Variants in TMEM117 observed in about 807,000 individuals in gnomAD.
The protein encoded by TMEM117 is transmembrane protein 117.
Under a neutral mutation model 52.4 loss-of-function variants are expected in TMEM117, and 27 were observed. The observed-to-expected ratio is 0.51, with a 90% CI of 0.38 to 0.71. The LOEUF is 0.71. TMEM117 is among the 30% of genes least tolerant of loss of function. The pLI, the probability that TMEM117 is intolerant of heterozygous loss-of-function variation, is 0.00. For missense variants in TMEM117, 556 were observed against 630.5 expected, an observed-to-expected ratio of 0.88 and a Z score of 1.26; for synonymous variants, 215 against 206.3, an observed-to-expected ratio of 1.04 and a Z score of -0.36.
intron 3 of TMEM117, among the ~76,000 whole-genome samples, chr12:44,120,018 G>A (rs1948207635): frequency 6.6e-6 from 1 of 152,084 alleles, no homozygotes; most frequent in African/African-American, 2.4e-5. Flanking sequence ...AAAATCAGTA[G>A]AATGGGAACT....
At chr12:44,301,854 G>A (rs1950844437) in intron 6 of TMEM117, among the ~76,000 whole-genome samples, 1 of 152,198 alleles carries the variant, frequency 6.6e-6, no homozygotes, top group Non-Finnish European at 1.5e-5. Context: ...AGGAATTGGA[G>A]AAACTCATGG....
intron 6 of TMEM117, among the ~76,000 whole-genome samples, chr12:44,314,405 T>G (rs1951028476): frequency 6.6e-6 from 1 of 152,146 alleles, no homozygotes; most frequent in Admixed American, 6.5e-5. Flanking sequence ...ATTTATTTAG[T>G]TTTGTGTGTT....
Position 43,838,972 on chromosome 12 carries a change from TCATCTCAGGAAATGCATTTTC to T in TMEM117, c.-29+2798_-29+2818del, listed in dbSNP as rs1477033228. On this transcript the variant is annotated intron_variant, in intron 1 of 7. Coordinates refer to ENST00000266534, the MANE Select transcript of TMEM117 (RefSeq NM_032256.3). ...CTGTCTATATCTACTGCATCCCTCTTCATCTCAGGAAATGCATTTTCCATCTCAGGAAATGCATTTTCTATC... is the reference window on the plus strand; with the variant it reads ...CTGTCTATATCTACTGCATCCCTCTTCATCTCAGGAAATGCATTTTCTATC... 3.3e-5 allele frequency among the ~76,000 whole-genome samples: 5 copies of T among 152,120 alleles called. No individual in the cohort carries two copies. In the East Asian group the frequency reaches 7.7e-4, roughly 23 times the overall value.
At chr12:43,871,533 CTTTT>C (rs1265987973) in intron 2 of TMEM117, among the ~76,000 whole-genome samples, 1 of 152,120 alleles carries the variant, frequency 6.6e-6, no homozygotes, top group Non-Finnish European at 1.5e-5. Context: ...TGTATGTCTT[CTTTT>C]GAGAAGTGTC....
chr12:44,311,829 A>ATGTATATATATG lies in TMEM117; in HGVS notation c.768+12099_768+12100insATGTGTATATAT, dbSNP rs1565701611. ...TGTATATATGTATATATATGTATAT[A>ATGTATATATATG]TGTATATATGTATATATATGTATAT... On this transcript the variant is annotated intron_variant, in intron 6 of 7. Coordinates refer to ENST00000266534, the MANE Select transcript of TMEM117 (RefSeq NM_032256.3). 4.5e-3 allele frequency among the ~76,000 whole-genome samples: 458 copies of ATGTATATATATG among 100,892 alleles called. 18 individuals carry two copies. The highest frequency in any genetic ancestry group is 0.021 in the African/African-American group (444 of 21,586). The allele number at this position is 100,892 out of a possible 152,430, so 66.2% of individuals were successfully genotyped here. A position where few individuals can be genotyped will look rare whatever the true frequency, so the allele number is the denominator to read the frequency against.
At chr12:44,190,936 T>C (rs866901111) in intron 4 of TMEM117, among the ~76,000 whole-genome samples, 21 of 147,510 alleles carry the variant, frequency 1.4e-4, no homozygotes, top group Admixed American at 8.9e-4. Flanking sequence ...ATATATACTA[T>C]ATATAGTAGT....
chr12:44,328,719 C>G (rs918084775), intron 6 of TMEM117, among the ~76,000 whole-genome samples: 1 of 151,964 alleles, frequency 6.6e-6, no homozygotes, highest in Non-Finnish European at 1.5e-5. Flanking sequence ...CTAGAATCTT[C>G]TTGTAGCAGA....
chr12:44,171,144 T>G (rs976145503), intron 4 of TMEM117, among the ~76,000 whole-genome samples: 1 of 150,900 alleles, frequency 6.6e-6, no homozygotes, highest in Non-Finnish European at 1.5e-5. Flanking sequence ...GCCTCCCAAG[T>G]AGCTGGGACT....
chr12:44,300,147 A>G (rs1486620945), intron 6 of TMEM117, among the ~76,000 whole-genome samples: 1 of 152,248 alleles, frequency 6.6e-6, no homozygotes, highest in Non-Finnish European at 1.5e-5. Flanking sequence ...TCAGGGTTTT[A>G]TAGCAGTTGA....
At chr12:44,220,600 C>G (rs943572472) in intron 5 of TMEM117, among the ~76,000 whole-genome samples, 1 of 152,032 alleles carries the variant, frequency 6.6e-6, no homozygotes. Flanking sequence ...CACCCCCTAC[C>G]CAGATCTTGG....
chr12:43,900,811 T>C (rs569751475), intron 2 of TMEM117, among the ~76,000 whole-genome samples: 65 of 151,978 alleles, frequency 4.3e-4, no homozygotes, highest in African/African-American at 1.5e-3. Context: ...ATAGAACATT[T>C]GGAAACTACA....
chr12:43,809,579 C>A, the TMEM117 span, among the ~76,000 whole-genome samples: 1 of 152,106 alleles, frequency 6.6e-6, no homozygotes, highest in African/African-American at 2.4e-5. Context: ...AATAAAAGGT[C>A]ATTTAAAACA....
At chr12:43,798,613 C>T in the TMEM117 span, 1 of 1,471,756 alleles carries the variant, frequency 6.8e-7, no homozygotes, top group South Asian at 1.3e-5. Context: ...AACAAACTAT[C>T]AAACTCGTAA....
chr12:43,802,955 A>G, the TMEM117 span, among the ~76,000 whole-genome samples: 1 of 152,170 alleles, frequency 6.6e-6, no homozygotes, highest in African/African-American at 2.4e-5. Flanking sequence ...AGATGTATAC[A>G]CTGGTATAGC....
intron 4 of TMEM117, among the ~76,000 whole-genome samples, chr12:44,194,190 A>G (rs1949389609): frequency 6.6e-6 from 1 of 152,220 alleles, no homozygotes; most frequent in African/African-American, 2.4e-5. Flanking sequence ...TCAGAAAAAG[A>G]TAGAGAATAT....
intron 3 of TMEM117, among the ~76,000 whole-genome samples, chr12:43,956,090 T>C (rs959876467): frequency 3.3e-5 from 5 of 152,194 alleles, no homozygotes; most frequent in African/African-American, 4.8e-5. Context: ...GGTAGCTATA[T>C]GCAGAAAATT....
the TMEM117 span, among the ~76,000 whole-genome samples, chr12:43,821,869 A>C: frequency 1.3e-5 from 2 of 152,224 alleles, no homozygotes; most frequent in Admixed American, 1.3e-4. Flanking sequence ...AAGAAAGGTA[A>C]GTTTTTAAAG....
intron 5 of TMEM117, among the ~76,000 whole-genome samples, chr12:44,285,650 G>C (rs1210622010): frequency 6.6e-6 from 1 of 152,256 alleles, no homozygotes; most frequent in African/African-American, 2.4e-5. Flanking sequence ...TGGGCTTCAG[G>C]GTTCAGTAAA....
intron 2 of TMEM117, among the ~76,000 whole-genome samples, chr12:43,874,825 G>T (rs1343010110): frequency 1.3e-5 from 2 of 152,134 alleles, no homozygotes; most frequent in Non-Finnish European, 2.9e-5. Context: ...AATGTACTGA[G>T]TTCATTACCA....
Sources: gnomAD v4.1 joint callset for allele counts (sites outside exome capture counted in the v4.1 genomes callset) on GRCh38, gnomAD v4.1.1 for gene constraint, MANE v1.5 for transcripts, NCBI Gene and HGNC (gene_info 2026-07-23, HGNC 2026-07-21) for gene names.